The following NTN1 variants were observed in gnomAD, a reference collection of about 807,000 sequenced individuals.
The protein encoded by NTN1 is netrin 1, also known as netrin-1.
A neutral mutation model predicts 54.2 loss-of-function variants in NTN1; 11 were observed. That is an observed-to-expected ratio of 0.20 (90% CI 0.13 to 0.34). The LOEUF (loss-of-function observed/expected upper bound fraction) is 0.34, where lower values mean the gene tolerates loss of function less well. Among genes scored for constraint, NTN1 ranks in the 10% least tolerant of loss-of-function variants. The pLI is 1.00. For missense variants in NTN1, 740 were observed against 893.1 expected (o/e 0.83, Z 2.18); for synonymous variants, 371 against 382.0 (o/e 0.97, Z 0.33).
chr17:9,100,454 T>G (rs1452016472), intron 2 of NTN1, among the ~76,000 whole-genome samples: 1 of 152,024 alleles, frequency 6.6e-6, no homozygotes, highest in Non-Finnish European at 1.5e-5. Context: ...TGTGCCACCA[T>G]GCCCAGCCAA....
chr17:9,230,329 G>C (rs1425551421), intron 6 of NTN1, among the ~76,000 whole-genome samples: 1 of 152,158 alleles, frequency 6.6e-6, no homozygotes, highest in African/African-American at 2.4e-5. Flanking sequence ...TTGCCCCCCT[G>C]TCCAGGGACA....
chr17:9,038,126 T>C (rs1383062579), intron 2 of NTN1, among the ~76,000 whole-genome samples: 3 of 152,162 alleles, frequency 2.0e-5, no homozygotes, highest in African/African-American at 7.2e-5. Context: ...CCTTCAAGTC[T>C]TTGGTCAAAT....
intron 5 of NTN1, among the ~76,000 whole-genome samples, chr17:9,220,519 C>T (rs954538600): frequency 1.3e-5 from 2 of 152,134 alleles, no homozygotes; most frequent in African/African-American, 4.8e-5. Flanking sequence ...CCTCCACATC[C>T]TGCTTGGCTC....
intron 6 of NTN1, among the ~76,000 whole-genome samples, chr17:9,228,435 C>T (rs954841248): frequency 6.6e-6 from 1 of 152,198 alleles, no homozygotes; most frequent in African/African-American, 2.4e-5. Context: ...GCCGAAGCCA[C>T]TCTGACCCCT....
At chr17:9,234,606 G>A (rs1168161205) in intron 6 of NTN1, among the ~76,000 whole-genome samples, 1 of 152,254 alleles carries the variant, frequency 6.6e-6, no homozygotes, top group East Asian at 1.9e-4. Flanking sequence ...CCGAACCCTG[G>A]TTTTGTCTGC....
chr17:9,035,209 G>A (rs1346352327), intron 2 of NTN1, among the ~76,000 whole-genome samples: 5 of 152,236 alleles, frequency 3.3e-5, no homozygotes, highest in African/African-American at 1.2e-4. Flanking sequence ...GCCTCCCAAA[G>A]TGCTGGGATT....
At chr17:9,130,374 C>T (rs1040483980) in intron 2 of NTN1, among the ~76,000 whole-genome samples, 9 of 152,118 alleles carry the variant, frequency 5.9e-5, no homozygotes, top group African/African-American at 2.2e-4. Context: ...GTGATAACTG[C>T]TCAGGGAATG....
At chr17:9,083,021 G>A (rs976665313) in intron 2 of NTN1, among the ~76,000 whole-genome samples, 2 of 152,042 alleles carry the variant, frequency 1.3e-5, no homozygotes, top group African/African-American at 4.8e-5. Flanking sequence ...AGGGGACACT[G>A]ACCATCTCCT....
At chr17:9,220,709 G>GT (rs1905316436) in intron 5 of NTN1, among the ~76,000 whole-genome samples, 1 of 151,960 alleles carries the variant, frequency 6.6e-6, no homozygotes, top group Non-Finnish European at 1.5e-5. Context: ...AATTTCCCCT[G>GT]TGACCTCTTT....
At position 9,112,688 on chromosome 17, in the gene NTN1, G is replaced by A. The variant is rs561499804; in HGVS notation, c.1019-50125G>A. 5.9e-5 allele frequency among the ~76,000 whole-genome samples: 9 copies of A among 152,026 alleles called. No individual in the cohort carries two copies. The East Asian group carries it at 1.8e-3, about 30-fold the overall frequency. On this transcript the variant is annotated intron_variant, in intron 2 of 6. Coordinates refer to ENST00000173229, the MANE Select transcript of NTN1 (RefSeq NM_004822.3). The stretch of plus-strand genomic sequence containing the variant: ...AAAATACAAAAAATTAGCCGGGCGT[G>A]GTGGCAGGCGCCTGTAGTCCCAGCT...
chr17:9,206,354 C>T (rs887844548), intron 5 of NTN1, among the ~76,000 whole-genome samples: 1 of 152,210 alleles, frequency 6.6e-6, no homozygotes, highest in African/African-American at 2.4e-5. Flanking sequence ...GACTCATTTG[C>T]ACCCTCTTGT....
At chr17:9,147,250 T>G (rs1384163557) in intron 2 of NTN1, among the ~76,000 whole-genome samples, 2 of 152,202 alleles carry the variant, frequency 1.3e-5, no homozygotes, top group African/African-American at 4.8e-5. Flanking sequence ...GTAAGAATAT[T>G]AACAAGGCCA....
At chr17:9,099,261 T>G (rs2092141663) in intron 2 of NTN1, among the ~76,000 whole-genome samples, 1 of 152,178 alleles carries the variant, frequency 6.6e-6, no homozygotes, top group South Asian at 2.1e-4. Flanking sequence ...AAAAGTTAGC[T>G]GGGTGTGGTG....
At chr17:9,121,551 G>A (rs758774934) in intron 2 of NTN1, among the ~76,000 whole-genome samples, 1 of 152,100 alleles carries the variant, frequency 6.6e-6, no homozygotes, top group Non-Finnish European at 1.5e-5. Context: ...TGTGATCACT[G>A]GCGCTCACTC....
chr17:9,153,407 C>T (rs938047835), intron 2 of NTN1, among the ~76,000 whole-genome samples: 4 of 152,160 alleles, frequency 2.6e-5, no homozygotes, highest in African/African-American at 9.7e-5. Flanking sequence ...TGAGATCCTG[C>T]CACTGCACTC....
intron 2 of NTN1, among the ~76,000 whole-genome samples, chr17:9,145,044 C>T (rs2092309524): frequency 6.6e-6 from 1 of 152,330 alleles, no homozygotes; most frequent in East Asian, 1.9e-4. Flanking sequence ...AGTGCGCCAC[C>T]CCCCGAGGCT....
chr17:9,195,481 T>G (rs1035424025), intron 5 of NTN1, among the ~76,000 whole-genome samples: 1 of 152,140 alleles, frequency 6.6e-6, no homozygotes, highest in South Asian at 2.1e-4. Context: ...ATGGGAGTCC[T>G]TGGACCCACC....
chr17:9,013,377 C>CGG, the NTN1 span, among the ~76,000 whole-genome samples: 5 of 151,946 alleles, frequency 3.3e-5, no homozygotes, highest in Non-Finnish European at 5.9e-5. Flanking sequence ...CCACCACACC[C>CGG]GGCTTATTTT....
intron 2 of NTN1, among the ~76,000 whole-genome samples, chr17:9,043,882 A>G (rs900362568): frequency 3.9e-5 from 6 of 152,030 alleles, no homozygotes; most frequent in African/African-American, 1.4e-4. Context: ...ACCTGGCATC[A>G]TCTTGTAATT....
Sources: allele counts gnomAD v4.1 joint callset (sites outside exome capture counted in the v4.1 genomes callset), GRCh38; gene constraint gnomAD v4.1.1; transcripts MANE v1.5; gene names NCBI Gene and HGNC (gene_info 2026-07-23, HGNC 2026-07-21).